The following DYNC1I1 variants were observed in gnomAD, a reference collection of about 807,000 sequenced individuals.
The protein encoded by DYNC1I1 is cytoplasmic dynein 1 intermediate chain 1.
Under a neutral mutation model 86.6 loss-of-function variants are expected in DYNC1I1, and 43 were observed. The observed-to-expected ratio is 0.50, with a 90% CI of 0.39 to 0.64. DYNC1I1 has a LOEUF of 0.64. Ranked by LOEUF, DYNC1I1 falls within the 30% of genes least tolerant of loss-of-function variation. The pLI is 0.00. For missense variants in DYNC1I1, 604 were observed against 788.8 expected, an observed-to-expected ratio of 0.77 and a Z score of 2.81; for synonymous variants, 262 against 283.7, an observed-to-expected ratio of 0.92 and a Z score of 0.77.
chr7:95,918,406 C>T (rs916342911), intron 6 of DYNC1I1, among the ~76,000 whole-genome samples: 1 of 152,108 alleles, frequency 6.6e-6, no homozygotes, highest in African/African-American at 2.4e-5. Flanking sequence ...TGTTCTTCTC[C>T]TCCCCACTTG....
At chr7:96,109,297 T>A (rs1049333666) in intron 16 of DYNC1I1, among the ~76,000 whole-genome samples, 4 of 152,054 alleles carry the variant, frequency 2.6e-5, no homozygotes, top group African/African-American at 9.7e-5. Context: ...TGTGCCATGT[T>A]GGTGTGCTGC....
At chr7:95,809,899 C>T (rs1169335549) in intron 2 of DYNC1I1, among the ~76,000 whole-genome samples, 3 of 152,056 alleles carry the variant, frequency 2.0e-5, no homozygotes, top group Non-Finnish European at 4.4e-5. Flanking sequence ...GCAAACTTGT[C>T]TTAGCAATAC....
At chr7:95,847,203 C>A (rs766520410) in intron 5 of DYNC1I1, among the ~76,000 whole-genome samples, 7 of 152,188 alleles carry the variant, frequency 4.6e-5, no homozygotes, top group Non-Finnish European at 8.8e-5. Context: ...GTCCTAAATT[C>A]TTTTCCAAAG....
chr7:96,079,005 C>T lies in DYNC1I1; in HGVS notation c.1651-1358C>T, dbSNP rs909182966. On this transcript the variant is annotated intron_variant, in intron 15 of 16. Transcript: ENST00000447467. Reference sequence around the variant, plus strand: ...GTGTATTTTTAAAAAATAAATGAGCCGGGGACTTTTGGGGTTTTTTTTTGT... The same window carrying T: ...GTGTATTTTTAAAAAATAAATGAGCTGGGGACTTTTGGGGTTTTTTTTTGT... 2.0e-5 allele frequency among the ~76,000 whole-genome samples: 3 copies of T among 150,626 alleles called. No homozygotes were observed. In the South Asian group the frequency reaches 6.3e-4, roughly 32 times the overall value.
intron 4 of DYNC1I1, among the ~76,000 whole-genome samples, chr7:95,820,851 TA>T (rs1247490505): frequency 2.7e-4 from 41 of 152,390 alleles, no homozygotes. Flanking sequence ...GCTCTGGGAT[TA>T]CCGGCATGGG....
chr7:95,964,490 C>T (rs2116518996), intron 6 of DYNC1I1, among the ~76,000 whole-genome samples: 1 of 152,266 alleles, frequency 6.6e-6, no homozygotes, highest in Non-Finnish European at 1.5e-5. Context: ...GTCATGTTAT[C>T]ACCCAACAAA....
intron 6 of DYNC1I1, among the ~76,000 whole-genome samples, chr7:95,939,496 A>G (rs1038869767): frequency 1.3e-5 from 2 of 151,930 alleles, no homozygotes; most frequent in African/African-American, 4.8e-5. Context: ...TTGGGTGCAT[A>G]TATATTTAGG....
intron 1 of DYNC1I1, among the ~76,000 whole-genome samples, chr7:95,780,117 C>G (rs570700390): frequency 2.0e-5 from 3 of 152,070 alleles, no homozygotes; most frequent in African/African-American, 2.4e-5. Flanking sequence ...CATTTTGATT[C>G]CTTACCAGGT....
At chr7:95,884,383 A>C (rs1361020668) in intron 6 of DYNC1I1, among the ~76,000 whole-genome samples, 2 of 151,756 alleles carry the variant, frequency 1.3e-5, no homozygotes, top group Non-Finnish European at 1.5e-5. Flanking sequence ...ACAGACATGA[A>C]CCACTATGCC....
chr7:95,878,101 G>C (rs1329518126), intron 6 of DYNC1I1, among the ~76,000 whole-genome samples: 1 of 152,070 alleles, frequency 6.6e-6, no homozygotes, highest in Non-Finnish European at 1.5e-5. Flanking sequence ...GGGTTGGGGG[G>C]ACTGGTATCC....
At chr7:95,804,510 A>G in intron 1 of DYNC1I1, 2 of 852,540 alleles carry the variant, frequency 2.3e-6, no homozygotes, top group Admixed American at 3.3e-5. Flanking sequence ...ATTTATGTAT[A>G]TATACCTAAA....
chr7:96,087,276 C>A (rs1242428243), intron 16 of DYNC1I1, among the ~76,000 whole-genome samples: 1 of 152,082 alleles, frequency 6.6e-6, no homozygotes, highest in Non-Finnish European at 1.5e-5. Flanking sequence ...GAGGTTAATT[C>A]AAACAAGAGT....
chr7:95,892,918 G>A (rs1790781827), intron 6 of DYNC1I1, among the ~76,000 whole-genome samples: 1 of 152,172 alleles, frequency 6.6e-6, no homozygotes, highest in East Asian at 1.9e-4. Context: ...GCTCAAAGTG[G>A]CAGGCTCCAT....
intron 6 of DYNC1I1, among the ~76,000 whole-genome samples, chr7:95,965,754 TGTTA>T (rs1792994848): frequency 1.3e-5 from 2 of 152,152 alleles, no homozygotes; most frequent in Admixed American, 6.6e-5. Context: ...ACTCAGTCAT[TGTTA>T]GTTCTTGGCC....
At position 95,867,366 on chromosome 7, in the gene DYNC1I1, G is replaced by A. The variant is rs1584108534; in HGVS notation, c.375-2517G>A. On this transcript the variant is annotated intron_variant, in intron 5 of 16. Coordinates refer to ENST00000447467, the MANE Select transcript of DYNC1I1 (RefSeq NM_001135556.2). Reference sequence around the variant, plus strand: ...ATTCAGTCCTCACAACTCAATGACAGGTACCCATTTTACAGATAAGAAACA... The same window carrying A: ...ATTCAGTCCTCACAACTCAATGACAAGTACCCATTTTACAGATAAGAAACA... Among the ~76,000 whole-genome samples the A allele has an allele frequency of 2.6e-5, 4 of 152,170 alleles. No individual in the cohort carries two copies. In the South Asian group the frequency reaches 8.3e-4, roughly 32 times the overall value.
downstream of DYNC1I1, among the ~76,000 whole-genome samples, chr7:96,101,450 A>G (rs917183436): frequency 6.6e-6 from 1 of 152,176 alleles, no homozygotes. Flanking sequence ...ACCACTGCAA[A>G]CATCTATTGT....
intron 6 of DYNC1I1, among the ~76,000 whole-genome samples, chr7:95,933,248 G>C (rs576992500): frequency 6.6e-6 from 1 of 152,244 alleles, no homozygotes; most frequent in South Asian, 2.1e-4. Context: ...TATTAGAGTA[G>C]CTTCATTTGT....
At chr7:95,985,029 T>G (rs1272940491) in intron 8 of DYNC1I1, 52 bp downstream of exon 8, 2 of 1,588,122 alleles carry the variant, frequency 1.3e-6, no homozygotes, top group African/African-American at 2.7e-5. Flanking sequence ...ATCTGTTAAT[T>G]CTAATTTATT....
intron 1 of DYNC1I1, among the ~76,000 whole-genome samples, chr7:95,797,564 G>T (rs1226089061): frequency 6.6e-6 from 1 of 152,154 alleles, no homozygotes; most frequent in Non-Finnish European, 1.5e-5. Flanking sequence ...ACCTATTCAT[G>T]ACATTATAAA....
Sources: gnomAD v4.1 joint callset for allele counts (sites outside exome capture counted in the v4.1 genomes callset) on GRCh38, gnomAD v4.1.1 for gene constraint, MANE v1.5 for transcripts, NCBI Gene and HGNC (gene_info 2026-07-23, HGNC 2026-07-21) for gene names.